Variants in ZNF827 observed in about 807,000 individuals in gnomAD.
ZNF827 encodes zinc finger protein 827.
In ZNF827, 13 loss-of-function variants were observed where a neutral mutation model predicts 102.4. The observed-to-expected ratio is 0.13, with a 90% confidence interval of 0.08 to 0.20. ZNF827 has a LOEUF of 0.20. Ranked by LOEUF, ZNF827 falls within the 10% of genes least tolerant of loss-of-function variation. The pLI, the probability that ZNF827 is intolerant of heterozygous loss-of-function variation, is 1.00. For synonymous variants in ZNF827, 523 were observed against 536.2 expected (o/e 0.98, Z 0.34); for missense variants, 1,103 against 1,344.4 (o/e 0.82, Z 2.81).
rs1375470742 is a variant in ZNF827 at position 145,845,961 on chromosome 4, C to T, written c.2274G>A (p.Thr758=). 12 of 1,614,158 alleles carry T rather than the reference C, an allele frequency of 7.4e-6. No individual in the cohort carries two copies. The highest frequency in any genetic ancestry group is 1.7e-5 in the Admixed American group (1 of 60,024). Residue 758 remains threonine (T), a synonymous_variant, in exon 7 of 15, where the codon ACG becomes ACA. Transcript: ENST00000508784. ...ACCCACACAAAGTCGCCTACCTGGT[C>T]GTGGTCCGGATGGTGTTTTCTTTTG... ...NHTKENTIRT[T]TSPFFSEDTF...
At chr4:145,779,896 A>C (rs1349250070) in intron 8 of ZNF827, among the ~76,000 whole-genome samples, 1 of 152,254 alleles carries the variant, frequency 6.6e-6, no homozygotes, top group Non-Finnish European at 1.5e-5. Context: ...AAGGCAGTAA[A>C]TAAAGAATTG....
chr4:145,775,374 CG>C (rs901711764), intron 10 of ZNF827, among the ~76,000 whole-genome samples: 2 of 151,764 alleles, frequency 1.3e-5, no homozygotes, highest in African/African-American at 4.8e-5. Flanking sequence ...TGGGGAAATA[CG>C]TAACGCCTTC....
chr4:145,929,787 G>C (rs2126990471), intron 1 of ZNF827, among the ~76,000 whole-genome samples: 1 of 152,208 alleles, frequency 6.6e-6, no homozygotes, highest in Middle Eastern at 3.4e-3. Flanking sequence ...CTATGCAGCA[G>C]GCACTAATTA....
intron 8 of ZNF827, among the ~76,000 whole-genome samples, chr4:145,822,376 T>C (rs1743224012): frequency 1.4e-5 from 2 of 144,984 alleles, no homozygotes; most frequent in South Asian, 4.7e-4. Context: ...CTATTTCCAA[T>C]GACCTGTGAT....
chr4:145,892,105 G>A (rs1402774276), intron 3 of ZNF827, 138 bp downstream of exon 3: 7 of 728,724 alleles, frequency 9.6e-6, no homozygotes, highest in Non-Finnish European at 1.3e-5. Context: ...ATTCTACCTT[G>A]CTACGTGGAG....
At chr4:145,877,257 G>T (rs1253493701) in intron 4 of ZNF827, among the ~76,000 whole-genome samples, 1 of 152,186 alleles carries the variant, frequency 6.6e-6, no homozygotes, top group African/African-American at 2.4e-5. Context: ...AGCCGGTGCG[G>T]TTCTATCCAA....
rs192291746 is a variant in ZNF827, at chr4:145,857,675, G to A, written c.1982-8114C>T. Among the ~76,000 whole-genome samples, 343 of 152,304 alleles carry A rather than the reference G, an allele frequency of 2.3e-3. 1 individual carries two copies. The highest frequency in any genetic ancestry group is 8.0e-3 in the African/African-American group (332 of 41,568). On this transcript the variant is annotated intron_variant, in intron 5 of 14. Coordinates refer to ENST00000508784, the MANE Select transcript of ZNF827 (RefSeq NM_001306215.2). Reference sequence around the variant, plus strand: ...TCAAAATTAAAATCCTTCAGTCGCTGGGAGCTCAGAGAGATTAGCTTTGGC... The same window carrying A: ...TCAAAATTAAAATCCTTCAGTCGCTAGGAGCTCAGAGAGATTAGCTTTGGC...
chr4:145,904,889 T>C (rs1751717350), intron 1 of ZNF827, among the ~76,000 whole-genome samples: 1 of 152,184 alleles, frequency 6.6e-6, no homozygotes, highest in Non-Finnish European at 1.5e-5. Context: ...GTCAAAGCAT[T>C]GTTCTGGCTG....
chr4:145,930,265 C>G (rs1753705250), intron 1 of ZNF827, among the ~76,000 whole-genome samples: 1 of 152,212 alleles, frequency 6.6e-6, no homozygotes, highest in East Asian at 1.9e-4. Flanking sequence ...TGCTACTGAT[C>G]AATCATGTAA....
intron 1 of ZNF827, among the ~76,000 whole-genome samples, chr4:145,923,011 G>A (rs1367203681): frequency 6.6e-6 from 1 of 151,990 alleles, no homozygotes; most frequent in East Asian, 1.9e-4. Flanking sequence ...ATAACAAAAT[G>A]TGTCAACATT....
chr4:145,818,981 G>C (rs1579279531), intron 8 of ZNF827, among the ~76,000 whole-genome samples: 2 of 152,266 alleles, frequency 1.3e-5, no homozygotes, highest in East Asian at 3.9e-4. Context: ...AATTCTGACT[G>C]GCATAGCAGG....
chr4:145,880,290 T>C (rs1306111129), intron 4 of ZNF827, among the ~76,000 whole-genome samples: 1 of 152,238 alleles, frequency 6.6e-6, no homozygotes, highest in African/African-American at 2.4e-5. Context: ...GCAAGACTCC[T>C]AACCTCTCCA....
chr4:145,902,807 C>G lies in ZNF827; in HGVS notation c.452G>C (p.Gly151Ala). The change falls in exon 2 of 15, where the codon GGC becomes GCC. Residue 151 changes from glycine to alanine, a missense_variant. By Grantham distance (60) the Gly-to-Ala change is moderately conservative (BLOSUM62 0). Around this residue, in one of 5 missense-constraint regions of ZNF827, gnomAD observed 441 missense variants for 458.6 expected, o/e 0.96. Coordinates refer to ENST00000508784, the MANE Select transcript of ZNF827 (RefSeq NM_001306215.2). The surrounding 1 kb of genome is among the most constrained non-coding windows in gnomAD (Gnocchi z 4.3). The part of the protein sequence containing the change: ...NGRVESPVNV[G>A]SNLSFSPPSH... ...AGGCGGGGAAAAGGAGAGGTTCGAG[C>G]CAACGTTTACGGGGGACTCCACTCT... 1.2e-6 allele frequency: 2 copies of G among 1,614,120 alleles called. No homozygotes were observed. The highest frequency in any genetic ancestry group is 1.7e-6 in the Non-Finnish European group (2 of 1,180,020).
At position 145,761,744 on chromosome 4, in the gene ZNF827, C is replaced by T. The variant is rs1052983195; in HGVS notation, c.*18-146G>A. On this transcript the variant is annotated intron_variant, in intron 14 of 14. Transcript: ENST00000508784. This position sits in a 1 kb window ranked among gnomAD's most constrained non-coding sequence, Gnocchi z 6.8. ...AGCCCAGCCCAGCCCTGCCGCCTCT[C>T]AGGGGTGGAACGGCCCTTTTTGGCT... 6.3e-5 allele frequency: 28 copies of T among 446,884 alleles called. No individual in the cohort carries two copies. The highest frequency in any genetic ancestry group is 1.5e-5 in the Non-Finnish European group (4 of 263,500). 27.7% of individuals were successfully genotyped at this position (446,884 alleles called of 1,614,324 possible). A position where few individuals can be genotyped will look rare whatever the true frequency, so the allele number is the denominator to read the frequency against.
intron 5 of ZNF827, among the ~76,000 whole-genome samples, chr4:145,866,453 A>T (rs1444567434): frequency 2.0e-5 from 3 of 152,202 alleles, no homozygotes. Flanking sequence ...CCTATACAAG[A>T]AGCAATTGTA....
At chr4:145,770,401 T>C (rs930037604) in intron 11 of ZNF827, among the ~76,000 whole-genome samples, 7 of 151,760 alleles carry the variant, frequency 4.6e-5, no homozygotes, top group African/African-American at 1.7e-4. Context: ...TTAGTAGCTG[T>C]ATTATTTTGA....
chr4:145,789,330 T>C (rs185981969), intron 8 of ZNF827, among the ~76,000 whole-genome samples: 2 of 152,184 alleles, frequency 1.3e-5, no homozygotes, highest in South Asian at 2.1e-4. Flanking sequence ...AGTGCATAAA[T>C]AGTTTCATCC....
intron 9 of ZNF827, among the ~76,000 whole-genome samples, chr4:145,778,580 C>G (rs1300236139): frequency 1.3e-5 from 2 of 152,068 alleles, no homozygotes; most frequent in East Asian, 3.9e-4. Context: ...CCACTGCACT[C>G]CAGTCTGGGT....
intron 10 of ZNF827, among the ~76,000 whole-genome samples, chr4:145,775,048 C>T (rs1406156587): frequency 1.3e-5 from 2 of 152,124 alleles, no homozygotes; most frequent in Non-Finnish European, 2.9e-5. Context: ...CTGATAAACT[C>T]GGAGAGCACC....
Sources: allele counts gnomAD v4.1 joint callset (sites outside exome capture counted in the v4.1 genomes callset), GRCh38; gene constraint gnomAD v4.1.1; regional missense constraint gnomAD v4.1.1; non-coding constraint Gnocchi (gnomAD v3.1); transcripts MANE v1.5; gene names NCBI Gene and HGNC (gene_info 2026-07-23, HGNC 2026-07-21).